The following BMP6 variants were observed in gnomAD, a reference collection of about 807,000 sequenced individuals.
BMP6 encodes bone morphogenetic protein 6.
BMP6 carries 17 observed loss-of-function variants against 54.1 expected under a neutral mutation model. The ratio of observed to expected loss-of-function variants is 0.31; its 90% CI spans 0.22 to 0.47. BMP6 has a LOEUF of 0.47. Ranked by LOEUF, BMP6 falls within the 20% of genes least tolerant of loss-of-function variation. The pLI is 1.00. For synonymous variants in BMP6, 328 were observed against 291.2 expected (o/e 1.13, Z -1.28); for missense variants, 720 against 690.4 (o/e 1.04, Z -0.48).
chr6:7,827,385 G>A (rs1581265639), intron 1 of BMP6, among the ~76,000 whole-genome samples: 1 of 152,234 alleles, frequency 6.6e-6, no homozygotes, highest in South Asian at 2.1e-4. Context: ...AGCAAAGAAT[G>A]TGCTCTCTGG....
intron 2 of BMP6, among the ~76,000 whole-genome samples, chr6:7,856,680 T>C (rs960150682): frequency 1.0e-4 from 14 of 137,236 alleles, no homozygotes; most frequent in East Asian, 9.4e-4. Context: ...CACTGCAAGC[T>C]CCGCCTCCCG....
At chr6:7,865,135 A>AT (rs1013397124) in intron 4 of BMP6, among the ~76,000 whole-genome samples, 4 of 152,282 alleles carry the variant, frequency 2.6e-5, no homozygotes, top group African/African-American at 9.6e-5. Context: ...TCTGATTTTG[A>AT]TTTTAGCAAT....
chr6:7,813,005 C>T (rs745757755), intron 1 of BMP6, among the ~76,000 whole-genome samples: 8 of 141,968 alleles, frequency 5.6e-5, no homozygotes, highest in Non-Finnish European at 1.1e-4. Context: ...GGTGTGATGG[C>T]TTCTGCCTGT....
chr6:7,832,862 C>T (rs538979346), intron 1 of BMP6, among the ~76,000 whole-genome samples: 5 of 151,078 alleles, frequency 3.3e-5, no homozygotes, highest in African/African-American at 1.2e-4. Context: ...GGCGAAGTCA[C>T]GAGATCCTGG....
chr6:7,798,318 C>T (rs1440810362), intron 1 of BMP6, among the ~76,000 whole-genome samples: 1 of 152,176 alleles, frequency 6.6e-6, no homozygotes, highest in Non-Finnish European at 1.5e-5. Flanking sequence ...GGACTTCGAG[C>T]CCAGCGGGGA....
intron 1 of BMP6, among the ~76,000 whole-genome samples, chr6:7,807,872 T>C (rs1212424006): frequency 1.1e-4 from 16 of 151,886 alleles, no homozygotes; most frequent in Admixed American, 9.8e-4. Flanking sequence ...GTGCCTGCAA[T>C]TGATTGCAGT....
rs1759714185 is a variant in BMP6 at position 7,881,066 on chromosome 6, C to T, written c.*723C>T. ...CTACAAGGGGTGTGTAACCGTGTAA[C>T]ACGTGAAGGCAATGCTCACCTCTTC... On this transcript the variant is annotated 3_prime_UTR_variant, in exon 7 of 7. Coordinates refer to ENST00000283147, the MANE Select transcript of BMP6 (RefSeq NM_001718.6). The T allele has an allele frequency of 1.3e-5, 2 of 152,416 alleles. No individual in the cohort carries two copies. Among genetic ancestry groups the T allele is most frequent in the South Asian group, 2.1e-4 (1 of 4,836 alleles). 9.4% of individuals were successfully genotyped at this position (152,416 alleles called of 1,614,324 possible). A position where few individuals can be genotyped will look rare whatever the true frequency, so the allele number is the denominator to read the frequency against.
chr6:7,739,017 G>T (rs1762003224), intron 1 of BMP6, among the ~76,000 whole-genome samples: 1 of 152,160 alleles, frequency 6.6e-6, no homozygotes, highest in African/African-American at 2.4e-5. Context: ...GAGAACCATG[G>T]GGTCAAATCT....
chr6:7,744,328 T>C (rs1011616462), intron 1 of BMP6, among the ~76,000 whole-genome samples: 2 of 152,090 alleles, frequency 1.3e-5, no homozygotes, highest in Non-Finnish European at 1.5e-5. Flanking sequence ...ATACAAAAAT[T>C]AGCCTGGTGT....
chr6:7,843,268 T>TA (rs58011920), intron 1 of BMP6, among the ~76,000 whole-genome samples: 11,140 of 140,642 alleles, frequency 0.079, 643 homozygotes, highest in African/African-American at 0.17. Flanking sequence ...ACCCTCAAAA[T>TA]AAAAAAAAAA....
chr6:7,847,964 T>C (rs574750911), intron 2 of BMP6, among the ~76,000 whole-genome samples: 11 of 152,324 alleles, frequency 7.2e-5, no homozygotes, highest in African/African-American at 2.6e-4. Flanking sequence ...TTGAAGCAAC[T>C]CATAGATTAG....
chr6:7,818,563 T>C (rs1581261446), intron 1 of BMP6, among the ~76,000 whole-genome samples: 1 of 152,208 alleles, frequency 6.6e-6, no homozygotes, highest in South Asian at 2.1e-4. Flanking sequence ...CCTGGCACTT[T>C]TAGAGGTTTC....
intron 1 of BMP6, among the ~76,000 whole-genome samples, chr6:7,764,945 C>T (rs1217544324): frequency 6.6e-6 from 1 of 152,176 alleles, no homozygotes; most frequent in African/African-American, 2.4e-5. Context: ...TTCATGCCTT[C>T]ATTTATATAA....
chr6:7,855,449 C>T (rs935109131), intron 2 of BMP6, among the ~76,000 whole-genome samples: 3 of 151,522 alleles, frequency 2.0e-5, no homozygotes. Flanking sequence ...TAAAAGAGCA[C>T]GTACAACACA....
chr6:7,827,035 C>T (rs1172170939), intron 1 of BMP6, among the ~76,000 whole-genome samples: 2 of 152,202 alleles, frequency 1.3e-5, no homozygotes, highest in African/African-American at 2.4e-5. Flanking sequence ...ACCTGGAAAC[C>T]AATGCAGCTC....
At chr6:7,739,841 A>G (rs948114534) in intron 1 of BMP6, among the ~76,000 whole-genome samples, 1 of 152,104 alleles carries the variant, frequency 6.6e-6, no homozygotes, top group African/African-American at 2.4e-5. Flanking sequence ...AGCCTTGATC[A>G]TGTTGACGAT....
intron 1 of BMP6, among the ~76,000 whole-genome samples, chr6:7,789,750 C>T (rs1278632373): frequency 1.3e-5 from 2 of 152,102 alleles, no homozygotes; most frequent in Non-Finnish European, 2.9e-5. Context: ...TAGACTCTCC[C>T]TGGCTGGCCT....
intron 1 of BMP6, among the ~76,000 whole-genome samples, chr6:7,749,817 G>C (rs1757396402): frequency 6.6e-6 from 1 of 152,202 alleles, no homozygotes; most frequent in African/African-American, 2.4e-5. Context: ...ATGAGCATCA[G>C]AATCAATGGA....
intron 1 of BMP6, among the ~76,000 whole-genome samples, chr6:7,807,640 C>T (rs1216976960): frequency 6.6e-6 from 1 of 152,126 alleles, no homozygotes; most frequent in East Asian, 1.9e-4. Context: ...TCAGAAACTC[C>T]AGGAGCGGGT....
Sources: allele counts gnomAD v4.1 joint callset (sites outside exome capture counted in the v4.1 genomes callset), GRCh38; gene constraint gnomAD v4.1.1; transcripts MANE v1.5; gene names NCBI Gene and HGNC (gene_info 2026-07-23, HGNC 2026-07-21).